Variants in CLHC1 observed in about 807,000 individuals in gnomAD.
The protein encoded by CLHC1 is clathrin heavy chain linker domain-containing protein 1.
In CLHC1, 72 loss-of-function variants were observed where a neutral mutation model predicts 69.5. The ratio of observed to expected loss-of-function variants is 1.04; its 90% CI spans 0.86 to 1.26. The LOEUF (loss-of-function observed/expected upper bound fraction) is 1.26. Among genes scored for constraint, CLHC1 ranks in the 50% most tolerant of loss-of-function variants. CLHC1 has a pLI of 0.00. For missense variants in CLHC1, 790 were observed against 679.3 expected (o/e 1.16, Z -1.81); for synonymous variants, 223 against 224.3 (o/e 0.99, Z 0.05).
At chr2:55,187,096 G>A (rs180799158) in intron 9 of CLHC1, among the ~76,000 whole-genome samples, 3 of 150,716 alleles carry the variant, frequency 2.0e-5, no homozygotes, top group Non-Finnish European at 4.4e-5. Context: ...GTGAAACCCC[G>A]TTTCTACTAA....
rs111501380 is a variant in CLHC1, at chr2:55,202,915, A to C, written c.1006+3355T>G. Reference sequence around the variant, plus strand: ...CTCATCTCAAAAAAAAAAAAAAAAAACTATTAGAACTGATAAACTCAGTGA... The same window carrying C: ...CTCATCTCAAAAAAAAAAAAAAAAACCTATTAGAACTGATAAACTCAGTGA... On this transcript the variant is annotated intron_variant, in intron 9 of 12. Transcript: ENST00000401408. Among the ~76,000 whole-genome samples, 121 of 149,412 alleles carry C rather than the reference A, an allele frequency of 8.1e-4. 2 individuals are homozygous for C. Among genetic ancestry groups the C allele is most frequent in the African/African-American group, 2.9e-3 (117 of 40,296 alleles).
rs1447417018 is a variant in CLHC1 at position 55,180,496 on chromosome 2, A to G, written c.1384+14T>C. 3.1e-6 allele frequency: 5 copies of G among 1,599,070 alleles called. No individual in the cohort carries two copies. Among genetic ancestry groups the G allele is most frequent in the Non-Finnish European group, 4.3e-6 (5 of 1,167,034 alleles). The stretch of plus-strand genomic sequence containing the variant: ...GAATTCAAATGTATACAAATGGCAG[A>G]CTTTTTAACTTACCGGTAGTAAAGT... On this transcript the variant is annotated intron_variant, in intron 11 of 12. Transcript: ENST00000401408.
chr2:55,222,350 T>C lies in CLHC1; in HGVS notation c.62A>G (p.Lys21Arg). The C allele has an allele frequency of 6.2e-7, 1 of 1,613,928 alleles. No homozygotes were observed. Among genetic ancestry groups the C allele is most frequent in the East Asian group, 2.2e-5 (1 of 44,850 alleles). ...VLPPIICRSDKEFLESVQRYI... is the reference protein window; with the variant it reads ...VLPPIICRSDREFLESVQRYI... ...TCTTTGCACACTTTCCAAAAATTCC[T>C]TGTCACTTCTACAAATGATAGGTGG... Residue 21 changes from lysine (K) to arginine (R), a missense_variant, in exon 3 of 13, where the codon AAG becomes AGG. Transcript: ENST00000401408.
chr2:55,208,868 T>G (rs1265468920), intron 7 of CLHC1, among the ~76,000 whole-genome samples, 158 bp from the exon 8 acceptor site: 1 of 23,902 alleles, frequency 4.2e-5, no homozygotes, highest in South Asian at 1.2e-3. Context: ...CTTTCCTCTT[T>G]TTTTTTTTTT....
intron 1 of CLHC1, among the ~76,000 whole-genome samples, chr2:55,230,673 C>A (rs1470575935): frequency 6.6e-6 from 1 of 152,024 alleles, no homozygotes; most frequent in Non-Finnish European, 1.5e-5. Flanking sequence ...TCCAGGGTGG[C>A]AGAAAAACTG....
intron 2 of CLHC1, among the ~76,000 whole-genome samples, chr2:55,223,772 TCAC>T (rs1674409373): frequency 1.3e-5 from 2 of 151,026 alleles, no homozygotes; most frequent in African/African-American, 2.4e-5. Context: ...AGGGTCAGGT[TCAC>T]GCACACCCGC....
At chr2:55,214,163 C>G (rs1054271924) in intron 4 of CLHC1, among the ~76,000 whole-genome samples, 1 of 152,144 alleles carries the variant, frequency 6.6e-6, no homozygotes, top group Non-Finnish European at 1.5e-5. Flanking sequence ...AAAATTTGAT[C>G]AGGAAGAGAA....
chr2:55,219,124 A>C (rs187084407), intron 3 of CLHC1, among the ~76,000 whole-genome samples: 39 of 152,330 alleles, frequency 2.6e-4, no homozygotes, highest in African/African-American at 8.4e-4. Context: ...AATAGAGGTC[A>C]TCAATCTGCG....
At chr2:55,229,931 G>C (rs1213066258) in intron 1 of CLHC1, among the ~76,000 whole-genome samples, 4 of 152,196 alleles carry the variant, frequency 2.6e-5, no homozygotes, top group Non-Finnish European at 5.9e-5. Context: ...AAATTAGCTG[G>C]GCGTGGTGGC....
chr2:55,191,281 A>G (rs1670899878), intron 9 of CLHC1, among the ~76,000 whole-genome samples: 1 of 152,150 alleles, frequency 6.6e-6, no homozygotes, highest in Non-Finnish European at 1.5e-5. Context: ...TCTCTCTGTC[A>G]CTCAGGCTGG....
intron 2 of CLHC1, chr2:55,224,536 T>A: frequency 3.4e-6 from 1 of 290,822 alleles, no homozygotes; most frequent in Non-Finnish European, 7.1e-6. Context: ...GAGAAGTCCC[T>A]GAGCATCTGC....
intron 8 of CLHC1, among the ~76,000 whole-genome samples, chr2:55,207,715 T>C (rs929443051): frequency 6.6e-6 from 1 of 152,012 alleles, no homozygotes; most frequent in African/African-American, 2.4e-5. Context: ...GGGGAGCAAC[T>C]GTGAGGGGAA....
chr2:55,220,333 C>A (rs956166464), intron 3 of CLHC1, among the ~76,000 whole-genome samples: 2 of 152,134 alleles, frequency 1.3e-5, no homozygotes, highest in Non-Finnish European at 2.9e-5. Context: ...ATTAATAGTT[C>A]ATTAACAATC....
At position 55,175,628 on chromosome 2, in the gene CLHC1, T is replaced by C; in HGVS notation, c.*162A>G. Reference sequence around the variant, plus strand: ...GGAAAAGGAAGCAATAGTATAAATATTTCAAAGACAAATCTAAATGTCATC... The same window carrying C: ...GGAAAAGGAAGCAATAGTATAAATACTTCAAAGACAAATCTAAATGTCATC... On this transcript the variant is annotated 3_prime_UTR_variant, in exon 13 of 13. Coordinates refer to ENST00000401408, the MANE Select transcript of CLHC1 (RefSeq NM_152385.4). 1.8e-6 allele frequency: 1 copy of C among 566,636 alleles called. No individual in the cohort carries two copies. Among genetic ancestry groups the C allele is most frequent in the East Asian group, 2.8e-5 (1 of 35,806 alleles). 35.1% of individuals were successfully genotyped at this position (566,636 alleles called of 1,614,324 possible).
At chr2:55,206,120 C>A in intron 9 of CLHC1, 150 bp downstream of exon 9, 1 of 574,092 alleles carries the variant, frequency 1.7e-6, no homozygotes, top group Admixed American at 3.2e-5. Context: ...TAATCAAATC[C>A]CTAATGTTAC....
chr2:55,198,157 CAAAA>C (rs1221382388), intron 9 of CLHC1, among the ~76,000 whole-genome samples: 1 of 151,522 alleles, frequency 6.6e-6, no homozygotes, highest in Non-Finnish European at 1.5e-5. Flanking sequence ...TGAGAGGAAA[CAAAA>C]GAAAAGAGAA....
At chr2:55,190,329 G>A (rs1157812266) in intron 9 of CLHC1, among the ~76,000 whole-genome samples, 1 of 152,078 alleles carries the variant, frequency 6.6e-6, no homozygotes, top group African/African-American at 2.4e-5. Context: ...TTACAGGCAT[G>A]AGCCACCATG....
chr2:55,183,972 G>T (rs1670163083), intron 9 of CLHC1, among the ~76,000 whole-genome samples: 1 of 152,020 alleles, frequency 6.6e-6, no homozygotes, highest in Admixed American at 6.6e-5. Flanking sequence ...GTAGAGACAG[G>T]GTGTCACCAT....
chr2:55,203,985 T>TA (rs1194171277), intron 9 of CLHC1, among the ~76,000 whole-genome samples: 13 of 152,148 alleles, frequency 8.5e-5, no homozygotes, highest in Non-Finnish European at 1.5e-5. Context: ...ATAATCTGAT[T>TA]AAAAATGGGC....
Sources: gnomAD v4.1 joint callset for allele counts (sites outside exome capture counted in the v4.1 genomes callset) on GRCh38, gnomAD v4.1.1 for gene constraint, MANE v1.5 for transcripts, NCBI Gene and HGNC (gene_info 2026-07-23, HGNC 2026-07-21) for gene names.